TIMD4: variants seen among roughly 807,000 people sequenced by gnomAD.
The protein encoded by TIMD4 is T cell immunoglobulin and mucin domain containing 4, also known as T-cell immunoglobulin and mucin domain-containing protein 4.
In TIMD4, 31 loss-of-function variants were observed where a neutral mutation model predicts 41.2. The observed-to-expected ratio is 0.75, with a 90% CI of 0.57 to 1.01. TIMD4 has a LOEUF of 1.01. Among genes scored for constraint, TIMD4 ranks in the 50% least tolerant of loss-of-function variants. The pLI is 0.00. For missense variants in TIMD4, 479 were observed against 472.5 expected (o/e 1.01, Z -0.13); for synonymous variants, 204 against 177.1 (o/e 1.15, Z -1.21).
rs1753107062 is a variant in TIMD4 at position 156,963,164 on chromosome 5, A to G, written c.35T>C (p.Ile12Thr). ...SKEPLILWLM[I>T]EFWWLYLTPV... ...ACTCAGGTAAAGCCACCAAAACTCA[A>G]TCATCAGCCAGAGAATGAGAGGTTC... Residue 12 changes from isoleucine (I) to threonine (T), a missense_variant, in exon 1 of 9, where the codon ATT becomes ACT. Coordinates refer to ENST00000274532, the MANE Select transcript of TIMD4 (RefSeq NM_138379.3). The G allele has an allele frequency of 6.2e-7, 1 of 1,614,100 alleles. No homozygotes were observed. The highest frequency in any genetic ancestry group is 8.5e-7 in the Non-Finnish European group (1 of 1,179,970).
chr5:156,951,140 A>C (rs1241110050), intron 3 of TIMD4, among the ~76,000 whole-genome samples: 1 of 152,094 alleles, frequency 6.6e-6, no homozygotes, highest in Non-Finnish European at 1.5e-5. Flanking sequence ...GCCTTTAAAG[A>C]GATAGTTAAG....
chr5:156,945,188 A>G (rs1261422844), intron 5 of TIMD4, among the ~76,000 whole-genome samples: 1 of 152,178 alleles, frequency 6.6e-6, no homozygotes, highest in African/African-American at 2.4e-5. Flanking sequence ...GAGGAAGCAG[A>G]GTGGCACGGT....
At chr5:156,953,082 C>G (rs185781171) in intron 2 of TIMD4, among the ~76,000 whole-genome samples, 1 of 152,162 alleles carries the variant, frequency 6.6e-6, no homozygotes, top group South Asian at 2.1e-4. Context: ...AGAAAGACAC[C>G]ATTTGTTCCA....
rs73813919 is a variant in TIMD4, at chr5:156,956,724, T to C, written c.59-1968A>G. 9.1e-3 allele frequency among the ~76,000 whole-genome samples: 1,391 copies of C among 152,352 alleles called. 19 individuals carry two copies. Among genetic ancestry groups the C allele is most frequent in the African/African-American group, 0.032 (1,311 of 41,578 alleles). On this transcript the variant is annotated intron_variant, in intron 1 of 8. Coordinates refer to ENST00000274532, the MANE Select transcript of TIMD4 (RefSeq NM_138379.3). ...AAACCATTTCCTTCCCCAAAAATGC[T>C]ATTGAAGTGAAAGCCAGGCAGGCTG...
chr5:156,954,821 T>A, intron 1 of TIMD4, 65 bp from the exon 2 acceptor site: 3 of 1,361,054 alleles, frequency 2.2e-6, no homozygotes, highest in African/African-American at 1.5e-5. Context: ...GCTACACAGT[T>A]TTTGTGCTAA....
intron 5 of TIMD4, 90 bp downstream of exon 5, chr5:156,948,324 CAA>C (rs771775507): frequency 9.0e-3 from 4,272 of 475,490 alleles, no homozygotes; most frequent in East Asian, 0.013. Flanking sequence ...CTCATCTCTA[CAA>C]AAAAAAAAAA....
chr5:156,949,776 ATTGTGT>A, intron 3 of TIMD4, 45 bp from the exon 4 acceptor site: 2 of 1,263,356 alleles, frequency 1.6e-6, no homozygotes, highest in South Asian at 2.4e-5. Context: ...AAAAGTAGTT[ATTGTGT>A]TTGTGGTGGG....
intron 1 of TIMD4, among the ~76,000 whole-genome samples, chr5:156,955,067 A>G (rs575956603): frequency 1.3e-5 from 2 of 152,102 alleles, no homozygotes; most frequent in East Asian, 3.9e-4. Context: ...TTTTGTACAG[A>G]CAGGGTTTCC....
chr5:156,921,671 T>C (rs1395078611), intron 7 of TIMD4, among the ~76,000 whole-genome samples: 1 of 146,832 alleles, frequency 6.8e-6, no homozygotes, highest in African/African-American at 2.5e-5. Context: ...GGATTGTTCA[T>C]GGTCTTCGTC....
At chr5:156,954,293 A>G (rs1464509699) in intron 2 of TIMD4, 122 bp downstream of exon 2, 2 of 964,352 alleles carry the variant, frequency 2.1e-6, no homozygotes, top group Admixed American at 5.9e-5. Context: ...CTTTATTTCA[A>G]ATTCAATCTT....
chr5:156,951,623 C>T lies in TIMD4; in HGVS notation c.568G>A (p.Val190Ile), dbSNP rs769156760. ...AGGCACGTGTTTGCTGTTGTGAAGACGGCAATGGTTGTCATCTGGAGTGGT... is the reference window on the plus strand; with the variant it reads ...AGGCACGTGTTTGCTGTTGTGAAGATGGCAATGGTTGTCATCTGGAGTGGT... ...GTPLQMTTIAVFTTANTCLSL... is the reference protein window; with the variant it reads ...GTPLQMTTIAIFTTANTCLSL... The change falls in exon 3 of 9, where the codon GTC (valine) becomes ATC (isoleucine). Residue 190 changes from valine (V) to isoleucine (I), a missense_variant. Physicochemically the swap from Val to Ile is conservative, Grantham distance 29 (BLOSUM62 3). Transcript: ENST00000274532. 9 of 1,614,084 alleles carry T rather than the reference C, an allele frequency of 5.6e-6. No individual in the cohort carries two copies. Among genetic ancestry groups the T allele is most frequent in the Middle Eastern group, 1.6e-4 (1 of 6,062 alleles).
chr5:156,919,521 C>G lies in TIMD4; in HGVS notation c.1073G>C (p.Ser358Thr), dbSNP rs1759197222. 1 of 1,614,014 alleles carries G rather than the reference C, an allele frequency of 6.2e-7. No homozygotes were observed. The highest frequency in any genetic ancestry group is 1.1e-5 in the South Asian group (1 of 91,080). The change falls in exon 9 of 9, where the codon AGT becomes ACT. Residue 358 changes from serine (S) to threonine (T), a missense_variant. Ser to Thr is a moderately conservative substitution (Grantham distance 58, BLOSUM62 1). Transcript: ENST00000274532. ...KHTRLDYIGD[S>T]KNVLNDVQHG... ...CTGCACGTCATTGAGGACATTTTTACTATCTCCAATGTAGTCTAGCCTGTA... is the reference window on the plus strand; with the variant it reads ...CTGCACGTCATTGAGGACATTTTTAGTATCTCCAATGTAGTCTAGCCTGTA...
At chr5:156,927,750 T>C (rs527684723) in intron 5 of TIMD4, among the ~76,000 whole-genome samples, 7 of 152,132 alleles carry the variant, frequency 4.6e-5, no homozygotes, top group African/African-American at 1.2e-4. Context: ...CAGTTCCTAC[T>C]TGAGACACCT....
At chr5:156,927,750 T>G (rs527684723) in intron 5 of TIMD4, among the ~76,000 whole-genome samples, 1 of 152,132 alleles carries the variant, frequency 6.6e-6, no homozygotes. Context: ...CAGTTCCTAC[T>G]TGAGACACCT....
intron 5 of TIMD4, among the ~76,000 whole-genome samples, chr5:156,929,205 C>T (rs377447523): frequency 5.8e-4 from 88 of 152,224 alleles, no homozygotes; most frequent in African/African-American, 2.0e-3. Context: ...TTAGACAAGG[C>T]AAAACTACTG....
rs919448813 is a variant in TIMD4, at chr5:156,919,549, C to T, written c.1053-8G>A. The T allele has an allele frequency of 4.3e-6, 7 of 1,611,010 alleles. No homozygotes were observed. Among genetic ancestry groups the T allele is most frequent in the African/African-American group, 1.3e-5 (1 of 74,818 alleles). Reference sequence around the variant, plus strand: ...TCTCCAATGTAGTCTAGCCTGTAAACAGAAAAGAGGGGCTCATAATGGGAA... The same window carrying T: ...TCTCCAATGTAGTCTAGCCTGTAAATAGAAAAGAGGGGCTCATAATGGGAA... On this transcript the variant is annotated splice_polypyrimidine_tract_variant and splice_region_variant and intron_variant, in intron 8 of 8. Coordinates refer to ENST00000274532, the MANE Select transcript of TIMD4 (RefSeq NM_138379.3).
chr5:156,927,038 A>G (rs1324357737), intron 5 of TIMD4, among the ~76,000 whole-genome samples: 1 of 152,232 alleles, frequency 6.6e-6, no homozygotes, highest in East Asian at 1.9e-4. Flanking sequence ...TTTACAGTCC[A>G]TTAGAGAAGA....
chr5:156,924,612 T>G (rs1236122644), intron 6 of TIMD4: 1 of 235,518 alleles, frequency 4.2e-6, no homozygotes, highest in Non-Finnish European at 8.9e-6. Context: ...AAAGGAGATA[T>G]TATATGACCA....
chr5:156,960,405 CTTTT>C (rs1223450556), intron 1 of TIMD4, among the ~76,000 whole-genome samples: 1 of 135,256 alleles, frequency 7.4e-6, no homozygotes, highest in Non-Finnish European at 1.6e-5. Flanking sequence ...TTTCTTCCCC[CTTTT>C]TTTTTTTTTT....
Sources: allele counts gnomAD v4.1 joint callset (sites outside exome capture counted in the v4.1 genomes callset), GRCh38; gene constraint gnomAD v4.1.1; transcripts MANE v1.5; gene names NCBI Gene and HGNC (gene_info 2026-07-23, HGNC 2026-07-21).